The following PRPF6 variants were observed in gnomAD, a reference collection of about 807,000 sequenced individuals.
The protein encoded by PRPF6 is pre-mRNA processing factor 6, also known as pre-mRNA-processing factor 6.
In PRPF6, 42 loss-of-function variants were observed where a neutral mutation model predicts 118.3. That is an observed-to-expected ratio of 0.35 (90% CI 0.28 to 0.46). The LOEUF (loss-of-function observed/expected upper bound fraction) is 0.46, where lower values mean the gene tolerates loss of function less well. Ranked by LOEUF, PRPF6 falls within the 20% of genes least tolerant of loss-of-function variation. The pLI is 1.00. For synonymous variants in PRPF6, 481 were observed against 485.1 expected (o/e 0.99, Z 0.11); for missense variants, 662 against 1,255.7 (o/e 0.53, Z 7.15).
At chr20:63,999,957 T>G (rs901334092) in intron 8 of PRPF6, among the ~76,000 whole-genome samples, 198 bp downstream of exon 8, 1 of 149,790 alleles carries the variant, frequency 6.7e-6, no homozygotes, top group African/African-American at 2.4e-5. Flanking sequence ...ATCCACCACT[T>G]TTTTTTTTTT....
Position 64,032,006 on chromosome 20 carries a change from G to A in PRPF6, c.2635G>A (p.Ala879Thr). 3.1e-6 allele frequency: 5 copies of A among 1,614,128 alleles called. No individual in the cohort carries two copies. The highest frequency in any genetic ancestry group is 4.2e-6 in the Non-Finnish European group (5 of 1,180,020). The change falls in exon 20 of 21, where the codon GCC (alanine) becomes ACC (threonine). Residue 879 changes from alanine to threonine, a missense_variant. Transcript: ENST00000266079. ...TGACTCGGACCTGGGGGATGCCTGG[G>A]CCTTCTTCTACAAGTTTGAGCTGCA... The part of the protein sequence containing the change: ...KIDSDLGDAW[A>T]FFYKFELQHG...
chr20:64,017,049 T>C (rs2123067240), intron 12 of PRPF6, among the ~76,000 whole-genome samples: 1 of 152,244 alleles, frequency 6.6e-6, no homozygotes, highest in East Asian at 1.9e-4. Flanking sequence ...TTCACGCCAT[T>C]CTCCTGCCTC....
At chr20:63,993,947 G>A (rs1383332925) in intron 4 of PRPF6, among the ~76,000 whole-genome samples, 1 of 151,398 alleles carries the variant, frequency 6.6e-6, no homozygotes, top group Non-Finnish European at 1.5e-5. Flanking sequence ...ACAGGATTTC[G>A]CCATGTGTAC....
At chr20:63,991,842 G>A (rs568000016) in intron 3 of PRPF6, among the ~76,000 whole-genome samples, 4 of 152,102 alleles carry the variant, frequency 2.6e-5, no homozygotes, top group East Asian at 1.9e-4. Flanking sequence ...GAAAACTGTC[G>A]TAATACAAAC....
chr20:63,997,074 C>T (rs1316124638), intron 6 of PRPF6, among the ~76,000 whole-genome samples: 1 of 152,042 alleles, frequency 6.6e-6, no homozygotes, highest in Non-Finnish European at 1.5e-5. Context: ...CATTCATCTC[C>T]AGAACTGTTT....
intron 3 of PRPF6, among the ~76,000 whole-genome samples, chr20:63,987,189 A>AG (rs1555916397): frequency 0.026 from 3,061 of 116,206 alleles, 167 homozygotes; most frequent in South Asian, 0.05. Flanking sequence ...AAAAAAAAAA[A>AG]GGGGGGGGGA....
In PRPF6 at chr20:64,029,528, G is replaced by GTC. The variant is rs766320013; in HGVS notation, c.2546+38_2546+39dup. 40 of 1,532,430 alleles carry GTC rather than the reference G, an allele frequency of 2.6e-5. No homozygotes were observed. The highest frequency in any genetic ancestry group is 3.6e-5 in the Non-Finnish European group (40 of 1,106,618). 94.9% of individuals were successfully genotyped at this position (1,532,430 alleles called of 1,614,324 possible). On this transcript the variant is annotated intron_variant, in intron 19 of 20. Transcript: ENST00000266079. The surrounding 1 kb of genome is among the most constrained non-coding windows in gnomAD (Gnocchi z 4.8). ...CCCCACAGGATTGCTGAACCTCGGGGTCCTAATGGGCTCTTTTTCCAGAGT... is the reference window on the plus strand; with the variant it reads ...CCCCACAGGATTGCTGAACCTCGGGGTCTCCTAATGGGCTCTTTTTCCAGAGT...
intron 1 of PRPF6, among the ~76,000 whole-genome samples, chr20:63,982,689 G>A (rs1179774422): frequency 4.6e-5 from 7 of 152,250 alleles, no homozygotes; most frequent in African/African-American, 9.6e-5. Context: ...TCATGGTCCC[G>A]TGGCATCTGG....
chr20:63,993,563 C>G, intron 4 of PRPF6, 78 bp downstream of exon 4: 2 of 1,227,604 alleles, frequency 1.6e-6, no homozygotes, highest in Admixed American at 3.5e-5. Context: ...ACTGCTCTTA[C>G]GTGGAATTTA....
intron 12 of PRPF6, among the ~76,000 whole-genome samples, chr20:64,018,366 A>G (rs1444394930): frequency 6.7e-6 from 1 of 149,146 alleles, no homozygotes; most frequent in East Asian, 2.0e-4. Flanking sequence ...GATGCTGTAG[A>G]CTCCTCTTTC....
In PRPF6 at chr20:64,032,118, T is replaced by C. The variant is rs1014855953; in HGVS notation, c.2673+74T>C. 7.6e-5 allele frequency: 122 copies of C among 1,607,070 alleles called. 3 individuals are homozygous for C. The South Asian group carries it at 1.2e-3, about 15-fold the overall frequency. ...GGGGAGTTCCGCCAGCCCTGGGGGC[T>C]CTAGGAGGTGGCCACGGCCAGCGTG... On this transcript the variant is annotated intron_variant, in intron 20 of 20. Coordinates refer to ENST00000266079, the MANE Select transcript of PRPF6 (RefSeq NM_012469.4).
intron 9 of PRPF6, among the ~76,000 whole-genome samples, chr20:64,008,559 G>A (rs2059200709): frequency 6.6e-6 from 1 of 152,210 alleles, no homozygotes; most frequent in Admixed American, 6.5e-5. Flanking sequence ...CTTTGGCAGT[G>A]GCTGGTGACC....
intron 9 of PRPF6, among the ~76,000 whole-genome samples, chr20:64,002,176 G>A (rs571991899): frequency 9.3e-5 from 14 of 150,724 alleles, no homozygotes; most frequent in African/African-American, 2.9e-4. Flanking sequence ...CTGCCACCAC[G>A]CCTGGCTAAT....
intron 3 of PRPF6, among the ~76,000 whole-genome samples, chr20:63,989,385 G>A (rs1172808547): frequency 2.6e-5 from 4 of 152,070 alleles, no homozygotes; most frequent in African/African-American, 7.2e-5. Flanking sequence ...GCTCGCTCCC[G>A]TGAGCCAAGA....
In PRPF6 at chr20:64,032,871, G is replaced by A. The variant is rs755725733; in HGVS notation, c.2704G>A (p.Glu902Lys). Residue 902 changes from glutamate (E) to lysine (K), a missense_variant, in exon 21 of 21, where the codon GAG becomes AAG. Glu to Lys is a moderately conservative substitution (Grantham distance 56). This residue lies in a region of PRPF6 where 244 missense variants were observed against 383.7 expected (regional missense o/e 0.64). Transcript: ENST00000266079. ...GCAGGAGGAGGTGAGGAAGCGCTGT[G>A]AGAGTGCAGAGCCTCGGCATGGGGA... The part of the protein sequence containing the change: ...EQQEEVRKRC[E>K]SAEPRHGELW... The A allele has an allele frequency of 3.0e-5, 49 of 1,612,364 alleles. No individual in the cohort carries two copies. Among genetic ancestry groups the A allele is most frequent in the Non-Finnish European group, 3.9e-5 (46 of 1,179,758 alleles).
At chr20:63,994,570 A>C (rs2059133106) in intron 4 of PRPF6, among the ~76,000 whole-genome samples, 1 of 152,100 alleles carries the variant, frequency 6.6e-6, no homozygotes, top group East Asian at 1.9e-4. Flanking sequence ...ACTTGAGCCC[A>C]GGAGTTTGAG....
intron 3 of PRPF6, among the ~76,000 whole-genome samples, chr20:63,989,294 T>A (rs1180026429): frequency 6.6e-6 from 1 of 151,896 alleles, no homozygotes; most frequent in Non-Finnish European, 1.5e-5. Context: ...TTGGAGAAAC[T>A]CTACAGGACA....
At chr20:64,010,046 A>T (rs2059208912) in intron 9 of PRPF6, among the ~76,000 whole-genome samples, 154 bp from the exon 10 acceptor site, 1 of 152,178 alleles carries the variant, frequency 6.6e-6, no homozygotes, top group Non-Finnish European at 1.5e-5. Context: ...TGTCTGCCCC[A>T]GACCTGAAGG....
chr20:63,985,465 G>C (rs1429978159), intron 3 of PRPF6, among the ~76,000 whole-genome samples: 6 of 152,182 alleles, frequency 3.9e-5, no homozygotes, highest in Non-Finnish European at 8.8e-5. Context: ...TCGTAGCCAT[G>C]CCTGGATAAG....
Sources: allele counts gnomAD v4.1 joint callset (sites outside exome capture counted in the v4.1 genomes callset), GRCh38; gene constraint gnomAD v4.1.1; regional missense constraint gnomAD v4.1.1; non-coding constraint Gnocchi (gnomAD v3.1); transcripts MANE v1.5; gene names NCBI Gene and HGNC (gene_info 2026-07-23, HGNC 2026-07-21).